The following IPO5 variants were observed in gnomAD, a reference collection of about 807,000 sequenced individuals.
IPO5 encodes importin-5.
IPO5 carries 18 observed loss-of-function variants against 143.3 expected under a neutral mutation model. That is an observed-to-expected ratio of 0.13 (90% CI 0.09 to 0.19). IPO5 has a LOEUF of 0.19. Ranked by LOEUF, IPO5 falls within the 10% of genes least tolerant of loss-of-function variation. The pLI is 1.00. For missense variants in IPO5, 1,013 were observed against 1,336.9 expected, an observed-to-expected ratio of 0.76 and a Z score of 3.78; for synonymous variants, 477 against 465.7, an observed-to-expected ratio of 1.02 and a Z score of -0.31.
intron 7 of IPO5, 84 bp from the exon 8 acceptor site, chr13:97,990,042 A>G: frequency 1.2e-6 from 1 of 806,244 alleles, no homozygotes; most frequent in Non-Finnish European, 2.1e-6. Flanking sequence ...AGGTAAACAA[A>G]CAGTTCATTA....
intron 1 of IPO5, 55 bp downstream of exon 1, chr13:97,953,771 C>A (rs900835352): frequency 4.6e-5 from 17 of 365,914 alleles, no homozygotes; most frequent in African/African-American, 3.6e-4. Context: ...ATTTCATCTG[C>A]ACTGAGGAAC....
chr13:97,998,025 G>C (rs1293774673), intron 12 of IPO5, among the ~76,000 whole-genome samples: 1 of 152,200 alleles, frequency 6.6e-6, no homozygotes. Context: ...GCCCAGGCTG[G>C]AGTGCAGTGG....
At chr13:97,980,932 G>A (rs146030846) in intron 4 of IPO5, among the ~76,000 whole-genome samples, 183 of 152,230 alleles carry the variant, frequency 1.2e-3, no homozygotes, top group Non-Finnish European at 2.2e-3. Context: ...TAAGCTGGGT[G>A]CTTTTTATTG....
chr13:97,958,337 C>A (rs971789407), intron 2 of IPO5, among the ~76,000 whole-genome samples: 8 of 152,138 alleles, frequency 5.3e-5, no homozygotes, highest in African/African-American at 1.9e-4. Flanking sequence ...GCTCTTCTCT[C>A]CAGACCTTAC....
chr13:98,013,428 AC>A, intron 21 of IPO5, among the ~76,000 whole-genome samples: 1 of 151,982 alleles, frequency 6.6e-6, no homozygotes, highest in African/African-American at 2.4e-5. Flanking sequence ...ACAGACACAA[AC>A]CCAGATCTGT....
chr13:98,007,259 T>A, intron 17 of IPO5: 1 of 152,422 alleles, frequency 6.6e-6, no homozygotes. Flanking sequence ...GAAGTCAGTA[T>A]CCATGTTCGT....
intron 21 of IPO5, among the ~76,000 whole-genome samples, chr13:98,013,119 G>A (rs1224102024): frequency 2.0e-5 from 3 of 152,090 alleles, no homozygotes; most frequent in Non-Finnish European, 2.9e-5. Flanking sequence ...TGCATGGCAC[G>A]ATCTTAGCTC....
intron 2 of IPO5, among the ~76,000 whole-genome samples, chr13:97,965,915 G>A (rs557764217): frequency 2.4e-4 from 37 of 152,042 alleles, no homozygotes; most frequent in African/African-American, 3.9e-4. Context: ...CGAGGCAGGC[G>A]GATCATGAGA....
At chr13:97,996,943 C>T (rs1469051441) in intron 11 of IPO5, among the ~76,000 whole-genome samples, 1 of 152,032 alleles carries the variant, frequency 6.6e-6, no homozygotes, top group Non-Finnish European at 1.5e-5. Context: ...CAATTTCATG[C>T]CTAGACTCAT....
chr13:97,974,919 C>A (rs1470075861), intron 3 of IPO5, among the ~76,000 whole-genome samples: 2 of 152,162 alleles, frequency 1.3e-5, no homozygotes, highest in African/African-American at 4.8e-5. Flanking sequence ...AGAAAAAAAT[C>A]TTGGCTGGCC....
At chr13:97,966,133 CAAAAAAAA>C (rs34256210) in intron 2 of IPO5, among the ~76,000 whole-genome samples, 6 of 89,288 alleles carry the variant, frequency 6.7e-5, no homozygotes, top group African/African-American at 2.5e-4. Context: ...GGCCCCCTCT[CAAAAAAAA>C]AAAAAAAAAA....
chr13:98,014,205 T>G lies in IPO5; in HGVS notation c.2316T>G (p.Ser772=), dbSNP rs760546917. The G allele has an allele frequency of 4.0e-5, 64 of 1,606,264 alleles. No individual in the cohort carries two copies. Among genetic ancestry groups the G allele is most frequent in the Non-Finnish European group, 5.3e-5 (62 of 1,174,668 alleles). The change falls in exon 22 of 29, where the codon TCT becomes TCG. Residue 772 remains serine (S), a synonymous_variant. Transcript: ENST00000651721. Reference sequence around the variant, plus strand: ...ACGTCCTCTCAGAAATAATGCATTCTTTTGCAAAGGTGAATATTTTTCTCT... The same window carrying G: ...ACGTCCTCTCAGAAATAATGCATTCGTTTGCAAAGGTGAATATTTTTCTCT... ...DSDVLSEIMH[S]FAKCIEVMGD...
chr13:97,963,905 G>A (rs1885095239), intron 2 of IPO5, among the ~76,000 whole-genome samples: 1 of 152,122 alleles, frequency 6.6e-6, no homozygotes, highest in South Asian at 2.1e-4. Flanking sequence ...GGCATGAGAT[G>A]ATATCTCATT....
At chr13:97,981,422 C>G (rs1034162834) in intron 4 of IPO5, 2 of 321,500 alleles carry the variant, frequency 6.2e-6, no homozygotes, top group Non-Finnish European at 1.2e-5. Flanking sequence ...ACTTATAAGC[C>G]TTTATTTCCT....
At chr13:98,008,488 C>T (rs1889448231) in intron 18 of IPO5, among the ~76,000 whole-genome samples, 1 of 152,108 alleles carries the variant, frequency 6.6e-6, no homozygotes. Context: ...TTCATTTATC[C>T]AACATGTAAT....
chr13:97,964,063 G>T (rs1308820272), intron 2 of IPO5, among the ~76,000 whole-genome samples: 1 of 151,994 alleles, frequency 6.6e-6, no homozygotes, highest in Non-Finnish European at 1.5e-5. Context: ...TTGTAAATTT[G>T]TTTAAGTTAT....
At chr13:97,986,086 G>A (rs1332425559) in intron 6 of IPO5, among the ~76,000 whole-genome samples, 1 of 151,866 alleles carries the variant, frequency 6.6e-6, no homozygotes, top group African/African-American at 2.4e-5. Flanking sequence ...CTGCACTCCA[G>A]CCTGGGCAAC....
intron 22 of IPO5, among the ~76,000 whole-genome samples, chr13:98,015,068 A>T (rs1204453402): frequency 1.3e-5 from 2 of 152,056 alleles, no homozygotes; most frequent in Non-Finnish European, 2.9e-5. Context: ...GCATCTTTAT[A>T]TGTCCTTATT....
intron 21 of IPO5, 117 bp downstream of exon 21, chr13:98,012,459 A>G: frequency 1.4e-6 from 1 of 700,920 alleles, no homozygotes; most frequent in Non-Finnish European, 2.6e-6. Context: ...TATTTGCACT[A>G]AGTGTACTCT....
Sources: allele counts gnomAD v4.1 joint callset (sites outside exome capture counted in the v4.1 genomes callset), GRCh38; gene constraint gnomAD v4.1.1; transcripts MANE v1.5; gene names NCBI Gene and HGNC (gene_info 2026-07-23, HGNC 2026-07-21).